ANKHD1: variants seen among roughly 807,000 people sequenced by gnomAD.
The protein encoded by ANKHD1 is ankyrin repeat and KH domain containing 1.
A neutral mutation model predicts 230.5 loss-of-function variants in ANKHD1; 31 were observed. That is an observed-to-expected ratio of 0.13 (90% CI 0.10 to 0.18). ANKHD1 has a LOEUF of 0.18. Among genes scored for constraint, ANKHD1 ranks in the 10% least tolerant of loss-of-function variants. The pLI is 1.00. For missense variants in ANKHD1, 2,256 were observed against 3,071.3 expected (o/e 0.73, Z 6.27); for synonymous variants, 1,074 against 1,117.6 (o/e 0.96, Z 0.78).
chr5:140,485,522 A>G lies in ANKHD1; in HGVS notation c.1999-67A>G, dbSNP rs1167921952. ...CTTAGTATTTAATACTGTTTAAATG[A>G]GTTTTGATTTTATATGAGCTGCTAA... On this transcript the variant is annotated intron_variant, in intron 12 of 33. Coordinates refer to ENST00000360839, the MANE Select transcript of ANKHD1 (RefSeq NM_017747.3). This position sits in a 1 kb window ranked among gnomAD's most constrained non-coding sequence, Gnocchi z 4.8. 51 of 1,590,958 alleles carry G rather than the reference A, an allele frequency of 3.2e-5. No homozygotes were observed. Among genetic ancestry groups the G allele is most frequent in the Non-Finnish European group, 4.4e-5 (51 of 1,170,480 alleles).
At chr5:140,519,982 T>C (rs1581367765) in intron 24 of ANKHD1, among the ~76,000 whole-genome samples, 1 of 151,424 alleles carries the variant, frequency 6.6e-6, no homozygotes, top group African/African-American at 2.4e-5. Context: ...ACTATCAGAG[T>C]GAACAGGCAA....
intron 15 of ANKHD1, among the ~76,000 whole-genome samples, chr5:140,500,665 A>AAAAAAAAAAAG (rs748025095): frequency 0.011 from 1,300 of 115,104 alleles, 1 homozygote; most frequent in Non-Finnish European, 0.016. Context: ...AAAAAAAAAA[A>AAAAAAAAAAAG]AAAAGAAAAG....
At chr5:140,462,875 T>C (rs1166646516) in intron 9 of ANKHD1, among the ~76,000 whole-genome samples, 1 of 152,150 alleles carries the variant, frequency 6.6e-6, no homozygotes, top group African/African-American at 2.4e-5. Context: ...AGACAGGGTC[T>C]CACTCTGTTA....
rs557125485 is a variant in ANKHD1 at position 140,507,474 on chromosome 5, A to G, written c.3552-311A>G. ...AGGCATGCGCCACCACACCCAGCTA[A>G]TTTTGTATTTGTAGTAGAGATGGGG... On this transcript the variant is annotated intron_variant, in intron 19 of 33. Transcript: ENST00000360839. This position sits in a 1 kb window ranked among gnomAD's most constrained non-coding sequence, Gnocchi z 4.1. Among the ~76,000 whole-genome samples the G allele has an allele frequency of 2.0e-5, 3 of 151,826 alleles. No individual in the cohort carries two copies. Among genetic ancestry groups the G allele is most frequent in the Non-Finnish European group, 4.4e-5 (3 of 67,932 alleles).
At chr5:140,470,694 A>G (rs181193784) in intron 10 of ANKHD1, among the ~76,000 whole-genome samples, 82 of 150,272 alleles carry the variant, frequency 5.5e-4, no homozygotes, top group African/African-American at 2.0e-3. Flanking sequence ...CATGATCACA[A>G]CTTAATACAG....
Position 140,535,550 on chromosome 5 carries a change from G to A in ANKHD1, c.7027+12G>A. On this transcript the variant is annotated intron_variant, in intron 30 of 33. Transcript: ENST00000360839. ...CGCCTCAAACTCATGTAGGAATCCT[G>A]GAGGAACTCTTCCCAAAGAGTTTTG... The A allele has an allele frequency of 6.4e-7, 1 of 1,572,430 alleles. No individual in the cohort carries two copies. The highest frequency in any genetic ancestry group is 8.6e-7 in the Non-Finnish European group (1 of 1,165,450).
rs759929327 is a variant in ANKHD1, at chr5:140,526,321, C to T, written c.4818C>T (p.Ser1606=). ...GCACAGACTGCAACAGTGAGAGTAG[C>T]AGTGGTGGTAAAAGCCAAGAGTTAA... ...LDSTDCNSES[S]SGGKSQELNF... The change falls in exon 26 of 34, where the codon AGC becomes AGT. Residue 1606 remains serine, a synonymous_variant. Transcript: ENST00000360839. 57 of 1,614,032 alleles carry T rather than the reference C, an allele frequency of 3.5e-5. No homozygotes were observed. The highest frequency in any genetic ancestry group is 4.8e-5 in the Non-Finnish European group (57 of 1,180,044).
chr5:140,512,727 G>A, intron 22 of ANKHD1, 101 bp from the exon 23 acceptor site: 2 of 1,090,872 alleles, frequency 1.8e-6, no homozygotes, highest in Non-Finnish European at 2.6e-6. Context: ...GCAAAATCAA[G>A]GGATTCCTTT....
At chr5:140,509,843 C>G in intron 21 of ANKHD1, 31 bp downstream of exon 21, 1 of 1,583,570 alleles carries the variant, frequency 6.3e-7, no homozygotes, top group Non-Finnish European at 8.5e-7. Flanking sequence ...TGTAGAACTT[C>G]TCATGGTCAT....
intron 1 of ANKHD1, among the ~76,000 whole-genome samples, chr5:140,430,061 C>G (rs910630930): frequency 6.6e-6 from 1 of 152,182 alleles, no homozygotes; most frequent in African/African-American, 2.4e-5. Flanking sequence ...CTCCCTTCTC[C>G]TCCCTTTTGT....
intron 1 of ANKHD1, among the ~76,000 whole-genome samples, chr5:140,406,999 C>T (rs1460409985): frequency 6.6e-6 from 1 of 151,992 alleles, no homozygotes; most frequent in African/African-American, 2.4e-5. Context: ...TTAAAAATTT[C>T]TTAAAAACCA....
intron 24 of ANKHD1, among the ~76,000 whole-genome samples, chr5:140,523,581 G>A (rs79747774): frequency 1.3e-5 from 1 of 76,926 alleles, no homozygotes; most frequent in African/African-American, 5.3e-5. Context: ...TTTTTTTTTT[G>A]AGACAGTCTC....
intron 10 of ANKHD1, among the ~76,000 whole-genome samples, chr5:140,466,665 G>T (rs1004599714): frequency 6.6e-6 from 1 of 152,116 alleles, no homozygotes; most frequent in Non-Finnish European, 1.5e-5. Flanking sequence ...GCCCAGATAG[G>T]CCAGGCGCAG....
At position 140,527,886 on chromosome 5, in the gene ANKHD1, T is replaced by A; in HGVS notation, c.5101T>A (p.Ser1701Thr). ...KEVVRRSKKL[S>T]VPASVVSRIM... ...TTCATTTTATAGGTCAAAGAAATTG[T>A]CTGTTCCAGCCTCAGTGGTGTCGAG... Residue 1701 changes from serine to threonine, a missense_variant, in exon 28 of 34, where the codon TCT (serine) becomes ACT (threonine). By Grantham distance (58) the Ser-to-Thr change is moderately conservative (BLOSUM62 1). Around this residue, in one of 13 missense-constraint regions of ANKHD1, gnomAD observed 212 missense variants for 257.3 expected, o/e 0.82. Transcript: ENST00000360839. This position sits in a 1 kb window ranked among gnomAD's most constrained non-coding sequence, Gnocchi z 4.5. The A allele has an allele frequency of 6.2e-7, 1 of 1,612,668 alleles. No individual in the cohort carries two copies. Among genetic ancestry groups the A allele is most frequent in the Non-Finnish European group, 8.5e-7 (1 of 1,179,410 alleles).
intron 3 of ANKHD1, among the ~76,000 whole-genome samples, chr5:140,439,154 G>A (rs188840675): frequency 6.6e-6 from 1 of 152,134 alleles, no homozygotes; most frequent in Non-Finnish European, 1.5e-5. Flanking sequence ...TTGAGACTCG[G>A]TGGTCTAGTT....
At chr5:140,473,934 G>A (rs1005004014) in intron 10 of ANKHD1, among the ~76,000 whole-genome samples, 2 of 152,118 alleles carry the variant, frequency 1.3e-5, no homozygotes, top group South Asian at 2.1e-4. Context: ...CTGAAATAGG[G>A]GGTCTGCATT....
At position 140,539,510 on chromosome 5, in the gene ANKHD1, T is replaced by C; in HGVS notation, c.*92T>C. The C allele has an allele frequency of 7.1e-7, 1 of 1,403,964 alleles. No homozygotes were observed. The highest frequency in any genetic ancestry group is 9.8e-7 in the Non-Finnish European group (1 of 1,022,954). 87.0% of individuals were successfully genotyped at this position (1,403,964 alleles called of 1,614,324 possible). ...TTTTTTTAATGTGCCTAAGAAATTTTCTCTGAGGCTTTAGCAATGGAAATT... is the reference window on the plus strand; with the variant it reads ...TTTTTTTAATGTGCCTAAGAAATTTCCTCTGAGGCTTTAGCAATGGAAATT... On this transcript the variant is annotated 3_prime_UTR_variant, in exon 34 of 34. Transcript: ENST00000360839.
rs987122926 is a variant in ANKHD1 at position 140,529,732 on chromosome 5, C to T, written c.6786C>T (p.His2262=). 8.1e-6 allele frequency: 13 copies of T among 1,614,140 alleles called. No homozygotes were observed. Among genetic ancestry groups the T allele is most frequent in the Admixed American group, 1.7e-5 (1 of 60,016 alleles). Residue 2262 remains histidine (H), a synonymous_variant, in exon 29 of 34, where the codon CAC becomes CAT. Transcript: ENST00000360839. ...NSVLGHLENM[H]PDNSKAPGFR... ...TGCTTGGACACTTGGAAAACATGCA[C>T]CCTGATAACTCAAAGGCACCTGGCT...
chr5:140,505,240 A>G lies in ANKHD1; in HGVS notation c.3262+7A>G. On this transcript the variant is annotated splice_region_variant and intron_variant, in intron 17 of 33. Coordinates refer to ENST00000360839, the MANE Select transcript of ANKHD1 (RefSeq NM_017747.3). ...GAACACAGAGACAAAAAAGGTAAAT[A>G]TCAGTCAGAAATAAAATCCAAGTGT... 1 of 1,613,704 alleles carries G rather than the reference A, an allele frequency of 6.2e-7. No homozygotes were observed. Among genetic ancestry groups the G allele is most frequent in the Non-Finnish European group, 8.5e-7 (1 of 1,179,860 alleles).
Sources: gnomAD v4.1 joint callset for allele counts (sites outside exome capture counted in the v4.1 genomes callset) on GRCh38, gnomAD v4.1.1 for gene constraint, gnomAD v4.1.1 regional missense constraint, Gnocchi (gnomAD v3.1) non-coding constraint, MANE v1.5 for transcripts, NCBI Gene and HGNC (gene_info 2026-07-23, HGNC 2026-07-21) for gene names.